Variants in ZCCHC7 observed in about 807,000 individuals in gnomAD.
ZCCHC7 encodes zinc finger CCHC domain-containing protein 7.
In ZCCHC7, 35 loss-of-function variants were observed where a neutral mutation model predicts 52.0. The ratio of observed to expected loss-of-function variants is 0.67; its 90% CI spans 0.51 to 0.89. The LOEUF is 0.89. ZCCHC7 is among the 40% of genes least tolerant of loss of function. The probability of loss-of-function intolerance (pLI) is 0.00; values close to 1 mark genes in which losing one functional copy is unlikely to be tolerated. For missense variants in ZCCHC7, 574 were observed against 649.1 expected (o/e 0.88, Z 1.26); for synonymous variants, 217 against 221.5 (o/e 0.98, Z 0.18).
chr9:37,190,665 G>C (rs1199235130), intron 2 of ZCCHC7, among the ~76,000 whole-genome samples: 3 of 152,184 alleles, frequency 2.0e-5, no homozygotes, highest in Non-Finnish European at 2.9e-5. Context: ...AGAAACAATT[G>C]TAACTCTAAT....
At chr9:37,341,290 C>T (rs1024601580) in intron 6 of ZCCHC7, among the ~76,000 whole-genome samples, 6 of 152,034 alleles carry the variant, frequency 3.9e-5, no homozygotes, top group African/African-American at 1.5e-4. Flanking sequence ...GATAGGTTTT[C>T]CCTTAATGAC....
intron 2 of ZCCHC7, among the ~76,000 whole-genome samples, chr9:37,280,746 G>GTCTC (rs60251308): frequency 1.3e-5 from 2 of 151,126 alleles, no homozygotes; most frequent in African/African-American, 4.9e-5. Context: ...TTTTCTCTCT[G>GTCTC]TCTCTCTCTC....
chr9:37,132,166 A>C (rs559826407), intron 2 of ZCCHC7, among the ~76,000 whole-genome samples: 1 of 152,242 alleles, frequency 6.6e-6, no homozygotes, highest in Non-Finnish European at 1.5e-5. Flanking sequence ...GTGGAAGAAA[A>C]GATGCACCGA....
intron 6 of ZCCHC7, among the ~76,000 whole-genome samples, chr9:37,330,061 T>C (rs149036761): frequency 6.1e-4 from 93 of 151,904 alleles, no homozygotes; most frequent in African/African-American, 2.1e-3. Context: ...TAGAGGGTCA[T>C]TTACAGAACG....
At chr9:37,132,901 G>T (rs1446924688) in intron 2 of ZCCHC7, among the ~76,000 whole-genome samples, 1 of 152,226 alleles carries the variant, frequency 6.6e-6, no homozygotes. Flanking sequence ...CACTTTGGGA[G>T]GCCGAGGCGG....
At chr9:37,191,044 A>G (rs1441099155) in intron 2 of ZCCHC7, among the ~76,000 whole-genome samples, 1 of 151,964 alleles carries the variant, frequency 6.6e-6, no homozygotes, top group African/African-American at 2.4e-5. Context: ...AAAAGAATAC[A>G]TGCATTAGAA....
intron 2 of ZCCHC7, among the ~76,000 whole-genome samples, chr9:37,228,133 A>G (rs1255397572): frequency 6.6e-6 from 1 of 152,156 alleles, no homozygotes; most frequent in Non-Finnish European, 1.5e-5. Flanking sequence ...AGTCAGATAC[A>G]GTGGACTATG....
At chr9:37,288,088 G>C (rs888332503) in intron 2 of ZCCHC7, among the ~76,000 whole-genome samples, 1 of 151,936 alleles carries the variant, frequency 6.6e-6, no homozygotes, top group African/African-American at 2.4e-5. Context: ...AGACCAGCCT[G>C]GGCATCATAG....
chr9:37,138,981 T>C lies in ZCCHC7; in HGVS notation c.610+12039T>C, dbSNP rs73646325. ...AGTAAAACTTTTTTCCAAAGAAATA[T>C]AGAATGGAGAACATTTAATCATTAT... is the stretch of plus-strand genomic sequence containing the variant. On this transcript the variant is annotated intron_variant, in intron 2 of 8. Transcript: ENST00000336755. Among the ~76,000 whole-genome samples the C allele has an allele frequency of 5.5e-3, 833 of 152,116 alleles. 5 individuals are homozygous for C. The highest frequency in any genetic ancestry group is 0.019 in the African/African-American group (784 of 41,552).
chr9:37,262,477 T>C (rs574549729), intron 2 of ZCCHC7, among the ~76,000 whole-genome samples: 32 of 152,334 alleles, frequency 2.1e-4, no homozygotes, highest in African/African-American at 7.0e-4. Flanking sequence ...GGTTTTGATT[T>C]CTTAATGGCA....
At chr9:37,178,492 A>G (rs1190192857) in intron 2 of ZCCHC7, among the ~76,000 whole-genome samples, 1 of 151,680 alleles carries the variant, frequency 6.6e-6, no homozygotes, top group South Asian at 2.1e-4. Context: ...GTAGAAAGAG[A>G]GGAAAGGAAG....
Position 37,349,413 on chromosome 9 carries a change from A to G in ZCCHC7, c.1044A>G (p.Ala348=), listed in dbSNP as rs140657960. 1.7e-5 allele frequency: 27 copies of G among 1,614,062 alleles called. No individual in the cohort carries two copies. Among genetic ancestry groups the G allele is most frequent in the Admixed American group, 3.3e-5 (2 of 60,004 alleles). Residue 348 remains alanine (A), a synonymous_variant, in exon 7 of 9, where the codon GCA becomes GCG. Coordinates refer to ENST00000336755, the MANE Select transcript of ZCCHC7 (RefSeq NM_032226.3). ...CCCCTTCAAGACCATCAGCCTTAGCATATTGCTATCACTGCGCGCAAAAAG... is the reference window on the plus strand; with the variant it reads ...CCCCTTCAAGACCATCAGCCTTAGCGTATTGCTATCACTGCGCGCAAAAAG... The part of the protein sequence containing the change: ...PKTPSRPSAL[A]YCYHCAQKGH...
At chr9:37,216,484 G>C (rs1824512840) in intron 2 of ZCCHC7, among the ~76,000 whole-genome samples, 1 of 152,146 alleles carries the variant, frequency 6.6e-6, no homozygotes, top group Non-Finnish European at 1.5e-5. Context: ...AGACCAGCCT[G>C]ACCAACATGG....
chr9:37,355,965 T>G (rs1821675062), intron 8 of ZCCHC7, among the ~76,000 whole-genome samples: 1 of 151,972 alleles, frequency 6.6e-6, no homozygotes, highest in Middle Eastern at 3.4e-3. Flanking sequence ...CTTTGTACTT[T>G]TCTGTTTTTT....
chr9:37,269,823 C>T (rs139857626), intron 2 of ZCCHC7, among the ~76,000 whole-genome samples: 4 of 152,094 alleles, frequency 2.6e-5, no homozygotes, highest in African/African-American at 9.6e-5. Context: ...TGATTGTGCC[C>T]TGCGTATGCT....
intron 2 of ZCCHC7, among the ~76,000 whole-genome samples, chr9:37,151,364 G>A (rs552620659): frequency 7.2e-5 from 11 of 152,112 alleles, no homozygotes; most frequent in African/African-American, 2.4e-4. Flanking sequence ...TATATAAAAC[G>A]ATCATTCTGT....
intron 2 of ZCCHC7, among the ~76,000 whole-genome samples, chr9:37,163,641 A>G (rs1454223794): frequency 1.3e-5 from 2 of 152,116 alleles, no homozygotes; most frequent in African/African-American, 4.8e-5. Flanking sequence ...TTGGCTTTGT[A>G]TTCACTTAAT....
At chr9:37,193,244 CAG>C (rs1371052449) in intron 2 of ZCCHC7, among the ~76,000 whole-genome samples, 1 of 152,030 alleles carries the variant, frequency 6.6e-6, no homozygotes, top group Non-Finnish European at 1.5e-5. Flanking sequence ...AACATTTTAA[CAG>C]AAAGTGTTTT....
At chr9:37,310,061 C>A (rs1829521740) in intron 5 of ZCCHC7, among the ~76,000 whole-genome samples, 1 of 152,100 alleles carries the variant, frequency 6.6e-6, no homozygotes, top group Middle Eastern at 3.2e-3. Flanking sequence ...GAGTCATATT[C>A]AAATCCTTTC....
Sources: allele counts gnomAD v4.1 joint callset (sites outside exome capture counted in the v4.1 genomes callset), GRCh38; gene constraint gnomAD v4.1.1; transcripts MANE v1.5; gene names NCBI Gene and HGNC (gene_info 2026-07-23, HGNC 2026-07-21).